Variants in CTNNA1 observed in about 807,000 individuals in gnomAD.
CTNNA1 encodes catenin alpha-1.
CTNNA1 carries 37 observed loss-of-function variants against 98.4 expected under a neutral mutation model. The ratio of observed to expected loss-of-function variants is 0.38; its 90% CI spans 0.29 to 0.49. CTNNA1 has a LOEUF of 0.49. CTNNA1 is among the 20% of genes least tolerant of loss of function. The pLI, the probability that CTNNA1 is intolerant of heterozygous loss-of-function variation, is 0.95. For missense variants in CTNNA1, 761 were observed against 1,147.2 expected (o/e 0.66, Z 4.86); for synonymous variants, 404 against 413.2 (o/e 0.98, Z 0.27).
chr5:138,857,532 G>T lies in CTNNA1; in HGVS notation c.1063-28680G>T, dbSNP rs546739076. On this transcript the variant is annotated intron_variant, in intron 7 of 17. Coordinates refer to ENST00000302763, the MANE Select transcript of CTNNA1 (RefSeq NM_001903.5). Reference sequence around the variant, plus strand: ...GGGTCTTGCTATGCTGCCCAGGGTGGTCTCCAACTCCTGGCCTCAAGCAGT... The same window carrying T: ...GGGTCTTGCTATGCTGCCCAGGGTGTTCTCCAACTCCTGGCCTCAAGCAGT... Among the ~76,000 whole-genome samples the T allele has an allele frequency of 4.5e-4, 68 of 152,140 alleles. 1 individual carries two copies. The highest frequency in any genetic ancestry group is 6.8e-3 in the Middle Eastern group (2 of 294).
At chr5:138,824,963 C>T (rs1355191613) in intron 6 of CTNNA1, among the ~76,000 whole-genome samples, 164 bp downstream of exon 6, 1 of 152,204 alleles carries the variant, frequency 6.6e-6, no homozygotes, top group Non-Finnish European at 1.5e-5. Flanking sequence ...TTGATTTTAA[C>T]TTGGCCTAAA....
chr5:138,847,906 T>C (rs948765175), intron 7 of CTNNA1, among the ~76,000 whole-genome samples: 1 of 152,226 alleles, frequency 6.6e-6, no homozygotes, highest in Non-Finnish European at 1.5e-5. Flanking sequence ...CCAGTATATC[T>C]TTTGTTAGTT....
At chr5:138,824,012 C>T (rs759324036) in intron 5 of CTNNA1, among the ~76,000 whole-genome samples, 21 of 131,358 alleles carry the variant, frequency 1.6e-4, no homozygotes, top group Non-Finnish European at 2.9e-4. Context: ...AAAAATAATA[C>T]TCATAATAAG....
At chr5:138,822,345 C>T (rs1167450080) in intron 5 of CTNNA1, among the ~76,000 whole-genome samples, 1 of 152,182 alleles carries the variant, frequency 6.6e-6, no homozygotes, top group Non-Finnish European at 1.5e-5. Flanking sequence ...TTAGGAAAGT[C>T]ATGTGTTGAA....
At chr5:138,858,538 A>G (rs1309196481) in intron 7 of CTNNA1, among the ~76,000 whole-genome samples, 1 of 151,874 alleles carries the variant, frequency 6.6e-6, no homozygotes, top group African/African-American at 2.4e-5. Flanking sequence ...CTATCAAGAT[A>G]AAATTATGTA....
At chr5:138,890,814 G>C (rs1263129086) in intron 9 of CTNNA1, among the ~76,000 whole-genome samples, 1 of 152,120 alleles carries the variant, frequency 6.6e-6, no homozygotes, top group East Asian at 1.9e-4. Context: ...TAAACTATCA[G>C]GGCTTGCCAT....
At chr5:138,820,004 A>G (rs971362827) in intron 5 of CTNNA1, among the ~76,000 whole-genome samples, 2 of 151,528 alleles carry the variant, frequency 1.3e-5, no homozygotes, top group African/African-American at 4.9e-5. Context: ...CTGTGCCATG[A>G]TTGTAAGATT....
intron 7 of CTNNA1, among the ~76,000 whole-genome samples, chr5:138,848,733 A>C (rs1762938355): frequency 6.6e-6 from 1 of 152,028 alleles, no homozygotes; most frequent in South Asian, 2.1e-4. Flanking sequence ...GGCCTGGCAT[A>C]CTTTTTTTTG....
intron 16 of CTNNA1, among the ~76,000 whole-genome samples, chr5:138,931,394 T>TAAGCCTGA (rs1444081304): frequency 6.6e-6 from 1 of 152,086 alleles, no homozygotes; most frequent in Admixed American, 6.5e-5. Flanking sequence ...TTTGGTGTTT[T>TAAGCCTGA]AAGCCTGATC....
chr5:138,916,015 C>G (rs751777436), intron 10 of CTNNA1, among the ~76,000 whole-genome samples: 7 of 152,116 alleles, frequency 4.6e-5, no homozygotes, highest in Non-Finnish European at 7.3e-5. Context: ...CGCCACTGCT[C>G]TCCAGCCTGG....
intron 7 of CTNNA1, among the ~76,000 whole-genome samples, chr5:138,832,206 T>G (rs1761339176): frequency 6.6e-6 from 1 of 152,218 alleles, no homozygotes; most frequent in South Asian, 2.1e-4. Context: ...CATAGTGGTT[T>G]GATGAAGAGT....
chr5:138,922,439 T>C lies in CTNNA1; in HGVS notation c.1547-2071T>C, dbSNP rs562858150. 7.9e-5 allele frequency among the ~76,000 whole-genome samples: 12 copies of C among 152,316 alleles called. No homozygotes were observed. The South Asian group carries it at 1.9e-3, about 24-fold the overall frequency. ...AGGTTTTCAAGTGAAAAAGATACAA[T>C]AGTGTCCATAATATAATTCCTTTTA... On this transcript the variant is annotated intron_variant, in intron 11 of 17. Coordinates refer to ENST00000302763, the MANE Select transcript of CTNNA1 (RefSeq NM_001903.5).
intron 10 of CTNNA1, chr5:138,904,642 T>C (rs1483792789): frequency 1.9e-5 from 12 of 645,074 alleles, no homozygotes; most frequent in Non-Finnish European, 3.0e-5. Flanking sequence ...AGATTACATG[T>C]TACTCCTGGC....
intron 7 of CTNNA1, among the ~76,000 whole-genome samples, chr5:138,863,729 A>AATCGCAAGGCTGATTGAG (rs1302750469): frequency 1.3e-5 from 2 of 152,232 alleles, no homozygotes; most frequent in Admixed American, 1.3e-4. Flanking sequence ...AGAGTTTAAT[A>AATCGCAAGGCTGATTGAG]ATCGCAAGGC....
intron 11 of CTNNA1, among the ~76,000 whole-genome samples, chr5:138,921,596 AT>A (rs386405098): frequency 0.011 from 1,146 of 104,012 alleles, 1 homozygote; most frequent in Non-Finnish European, 0.015. Context: ...ATTAGTGGTG[AT>A]TTTTTTTTTT....
intron 1 of CTNNA1, among the ~76,000 whole-genome samples, chr5:138,755,596 T>C (rs1419647798): frequency 1.3e-5 from 2 of 152,128 alleles, no homozygotes; most frequent in African/African-American, 4.8e-5. Flanking sequence ...AGAGGTACCC[T>C]CCTCCAAGAT....
chr5:138,892,328 G>GTTTT lies in CTNNA1; in HGVS notation c.1296+4712_1296+4715dup, dbSNP rs70982738. On this transcript the variant is annotated intron_variant, in intron 9 of 17. Coordinates refer to ENST00000302763, the MANE Select transcript of CTNNA1 (RefSeq NM_001903.5). ...TGGAAAAAGAATATAAAATAGCTTA[G>GTTTT]TTTTTTTTTTTTTTTTTTTTTTTTT... is the stretch of plus-strand genomic sequence containing the variant. Among the ~76,000 whole-genome samples the GTTTT allele has an allele frequency of 4.1e-3, 325 of 79,246 alleles. 66 individuals carry two copies. The highest frequency in any genetic ancestry group is 0.012 in the African/African-American group (223 of 18,316). 52.0% of individuals were successfully genotyped at this position (79,246 alleles called of 152,430 possible).
At chr5:138,780,932 T>C (rs1316047665) in intron 1 of CTNNA1, among the ~76,000 whole-genome samples, 3 of 113,834 alleles carry the variant, frequency 2.6e-5, no homozygotes, top group Non-Finnish European at 5.7e-5. Context: ...GCACTACTTT[T>C]AGAAGAAAAG....
chr5:138,897,995 G>T (rs943210855), intron 9 of CTNNA1, among the ~76,000 whole-genome samples: 1 of 152,126 alleles, frequency 6.6e-6, no homozygotes, highest in Non-Finnish European at 1.5e-5. Flanking sequence ...TACAGTTTGG[G>T]TATTTGTCCC....
Sources: allele counts gnomAD v4.1 joint callset (sites outside exome capture counted in the v4.1 genomes callset), GRCh38; gene constraint gnomAD v4.1.1; transcripts MANE v1.5; gene names NCBI Gene and HGNC (gene_info 2026-07-23, HGNC 2026-07-21).